DPF3: variants seen among roughly 807,000 people sequenced by gnomAD.
DPF3 encodes double PHD fingers 3.
In DPF3, 18 loss-of-function variants were observed where a neutral mutation model predicts 56.8. The ratio of observed to expected loss-of-function variants is 0.32; its 90% confidence interval spans 0.22 to 0.47. The LOEUF is 0.47. Ranked by LOEUF, DPF3 falls within the 20% of genes least tolerant of loss-of-function variation. The pLI, the probability that DPF3 is intolerant of heterozygous loss-of-function variation, is 1.00. For synonymous variants in DPF3, 188 were observed against 180.2 expected (o/e 1.04, Z -0.35); for missense variants, 403 against 488.8 (o/e 0.82, Z 1.65).
chr14:72,682,217 G>GAAAA (rs60779626), intron 7 of DPF3, among the ~76,000 whole-genome samples: 1 of 55,338 alleles, frequency 1.8e-5, no homozygotes, highest in African/African-American at 5.5e-5. Flanking sequence ...TCTGTCTCAA[G>GAAAA]AAAAAAAAAA....
At chr14:72,727,341 G>T (rs1889446106) in intron 4 of DPF3, among the ~76,000 whole-genome samples, 1 of 152,172 alleles carries the variant, frequency 6.6e-6, no homozygotes, top group Non-Finnish European at 1.5e-5. Context: ...ACTTTGGGAG[G>T]CCGAGGCAGG....
At chr14:72,807,201 G>A (rs540411808) in intron 1 of DPF3, among the ~76,000 whole-genome samples, 75 of 152,230 alleles carry the variant, frequency 4.9e-4, no homozygotes, top group African/African-American at 1.6e-3. Context: ...AGCTTGTGTC[G>A]CTTAGTAATT....
intron 9 of DPF3, 71 bp from the exon 10 acceptor site, chr14:72,620,055 T>C (rs1884328913): frequency 7.0e-7 from 1 of 1,434,966 alleles, no homozygotes; most frequent in Non-Finnish European, 9.2e-7. Flanking sequence ...GGCCCCCGCT[T>C]ACCCATCAGC....
intron 1 of DPF3, among the ~76,000 whole-genome samples, chr14:72,815,224 C>CA (rs922190781): frequency 1.3e-4 from 19 of 143,046 alleles, no homozygotes; most frequent in East Asian, 4.1e-4. Flanking sequence ...AAAAGCACAT[C>CA]AAAAAAAAAA....
chr14:72,851,760 T>C (rs919836817), intron 1 of DPF3, among the ~76,000 whole-genome samples: 10 of 152,246 alleles, frequency 6.6e-5, no homozygotes, highest in Admixed American at 6.5e-4. Context: ...AAATGTCCAC[T>C]CGAGGATCTG....
Position 72,859,478 on chromosome 14 carries a change from C to G in DPF3, c.32+34579G>C, listed in dbSNP as rs1422525088. Among the ~76,000 whole-genome samples, 62 of 109,182 alleles carry G rather than the reference C, an allele frequency of 5.7e-4. 1 individual carries two copies. Among genetic ancestry groups the G allele is most frequent in the South Asian group, 1.7e-3 (4 of 2,354 alleles). The allele number at this position is 109,182 out of a possible 152,430, so 71.6% of individuals were successfully genotyped here. The stretch of plus-strand genomic sequence containing the variant: ...GTTCTCTGCAGCTTCCTCCCCCCCC[C>G]CCCCCACACCATTCCCCCCTAACCT... On this transcript the variant is annotated intron_variant, in intron 1 of 10. Coordinates refer to ENST00000556509, the MANE Select transcript of DPF3 (RefSeq NM_001280542.3).
At chr14:72,634,173 G>A (rs1885315980) in intron 8 of DPF3, among the ~76,000 whole-genome samples, 1 of 152,192 alleles carries the variant, frequency 6.6e-6, no homozygotes, top group African/African-American at 2.4e-5. Flanking sequence ...GAAAGTAGGG[G>A]AGGGAAATAC....
chr14:72,871,117 C>A (rs1210193476), intron 1 of DPF3, among the ~76,000 whole-genome samples: 1 of 152,170 alleles, frequency 6.6e-6, no homozygotes, highest in East Asian at 1.9e-4. Context: ...CTCACTATCA[C>A]GAGAATAGCC....
At chr14:72,675,951 T>C (rs1362047621) in intron 7 of DPF3, among the ~76,000 whole-genome samples, 2 of 152,200 alleles carry the variant, frequency 1.3e-5, no homozygotes, top group Non-Finnish European at 2.9e-5. Context: ...TATCTGCAAA[T>C]ATTTTACTCT....
At chr14:72,821,843 T>TA (rs11464204) in intron 1 of DPF3, among the ~76,000 whole-genome samples, 2,115 of 13,318 alleles carry the variant, frequency 0.16, 39 homozygotes, top group African/African-American at 0.42. Context: ...TCATCTCCAC[T>TA]AAATTTTTTT....
At chr14:72,711,203 G>C (rs1250509304) in intron 6 of DPF3, among the ~76,000 whole-genome samples, 3 of 152,238 alleles carry the variant, frequency 2.0e-5, no homozygotes, top group Non-Finnish European at 4.4e-5. Flanking sequence ...TTGAAAGATG[G>C]AGTGGGAATT....
intron 1 of DPF3, among the ~76,000 whole-genome samples, chr14:72,877,015 C>T (rs1003967235): frequency 2.0e-5 from 3 of 152,120 alleles, no homozygotes; most frequent in Admixed American, 2.0e-4. Context: ...TCCTTTGTGC[C>T]CCTTCAGTGC....
chr14:72,776,754 TG>T (rs1409900867), intron 1 of DPF3, among the ~76,000 whole-genome samples: 1 of 152,066 alleles, frequency 6.6e-6, no homozygotes, highest in African/African-American at 2.4e-5. Context: ...TTCTGTGCTC[TG>T]ACCTGAGGAC....
Position 72,863,058 on chromosome 14 carries a change from TTATATATATATATATATATATATATATA to T in DPF3, c.32+30971_32+30998del, listed in dbSNP as rs58405648. ...TCTCCTTCCAGATATATTATTCCATTTATATATATATATATATATATATATATATATATATATATATATGTGTGTGTAT... is the reference window on the plus strand; with the variant it reads ...TCTCCTTCCAGATATATTATTCCATTTATATATATATATATGTGTGTGTAT... On this transcript the variant is annotated intron_variant, in intron 1 of 10. Coordinates refer to ENST00000556509, the MANE Select transcript of DPF3 (RefSeq NM_001280542.3). Among the ~76,000 whole-genome samples the T allele has an allele frequency of 8.2e-4, 114 of 139,854 alleles. 1 individual carries two copies. The highest frequency in any genetic ancestry group is 7.0e-3 in the South Asian group (29 of 4,130). 91.7% of individuals were successfully genotyped at this position (139,854 alleles called of 152,430 possible).
intron 7 of DPF3, among the ~76,000 whole-genome samples, chr14:72,682,109 G>A (rs553619844): frequency 6.6e-6 from 1 of 152,066 alleles, no homozygotes; most frequent in South Asian, 2.1e-4. Flanking sequence ...AGCTATTCGG[G>A]AGGCTGAGGA....
intron 8 of DPF3, among the ~76,000 whole-genome samples, chr14:72,630,847 T>A (rs2153567092): frequency 6.6e-6 from 1 of 152,296 alleles, no homozygotes; most frequent in African/African-American, 2.4e-5. Context: ...TGTTGCCTCT[T>A]TCATTTGAAG....
At chr14:72,801,458 A>G (rs1216718923) in intron 1 of DPF3, among the ~76,000 whole-genome samples, 1 of 152,232 alleles carries the variant, frequency 6.6e-6, no homozygotes, top group Non-Finnish European at 1.5e-5. Context: ...TCAAGGAGGT[A>G]ACTGGTGAGT....
intron 9 of DPF3, among the ~76,000 whole-genome samples, chr14:72,625,301 T>C (rs2153566447): frequency 6.6e-6 from 1 of 152,224 alleles, no homozygotes; most frequent in East Asian, 1.9e-4. Context: ...TTAGTATAGA[T>C]ATTTATTTTT....
intron 7 of DPF3, among the ~76,000 whole-genome samples, chr14:72,689,816 G>T (rs539402547): frequency 1.3e-5 from 2 of 152,162 alleles, no homozygotes; most frequent in Non-Finnish European, 2.9e-5. Flanking sequence ...GGGGGTGGGG[G>T]AAAGGATGTT....
Sources: gnomAD v4.1 joint callset for allele counts (sites outside exome capture counted in the v4.1 genomes callset) on GRCh38, gnomAD v4.1.1 for gene constraint, MANE v1.5 for transcripts, NCBI Gene and HGNC (gene_info 2026-07-23, HGNC 2026-07-21) for gene names.